Variants in LRRC56 observed in about 807,000 individuals in gnomAD.
The protein encoded by LRRC56 is leucine rich repeat containing 56.
LRRC56 carries 41 observed loss-of-function variants against 47.8 expected under a neutral mutation model. The observed-to-expected ratio is 0.86, with a 90% CI of 0.67 to 1.11. LRRC56 has a LOEUF of 1.11. Ranked by LOEUF, LRRC56 falls within the 50% of genes most tolerant of loss-of-function variation. The pLI, the probability that LRRC56 is intolerant of heterozygous loss-of-function variation, is 0.00. For synonymous variants in LRRC56, 387 were observed against 311.2 expected, an observed-to-expected ratio of 1.24 and a Z score of -2.56; for missense variants, 759 against 704.2, an observed-to-expected ratio of 1.08 and a Z score of -0.88.
the LRRC56 span, among the ~76,000 whole-genome samples, chr11:508,928 C>T: frequency 6.6e-6 from 1 of 152,108 alleles, no homozygotes; most frequent in African/African-American, 2.4e-5. Context: ...GCCTGTAATC[C>T]CAGCTACTCA....
chr11:522,426 T>C, the LRRC56 span, among the ~76,000 whole-genome samples: 5 of 151,888 alleles, frequency 3.3e-5, no homozygotes, highest in Middle Eastern at 3.2e-3. Context: ...CCACCACGCC[T>C]GGCTAATTTT....
the LRRC56 span, among the ~76,000 whole-genome samples, chr11:511,352 T>C: frequency 6.6e-6 from 1 of 151,364 alleles, no homozygotes; most frequent in East Asian, 1.9e-4. Context: ...TGGGAAAACA[T>C]TGAGGATGAA....
At chr11:548,401 C>G (rs2134052580) in intron 6 of LRRC56, among the ~76,000 whole-genome samples, 2 of 152,254 alleles carry the variant, frequency 1.3e-5, no homozygotes, top group African/African-American at 4.8e-5. Flanking sequence ...CCACCTCAGC[C>G]TCCTGAAGTG....
intron 6 of LRRC56, among the ~76,000 whole-genome samples, chr11:549,557 C>T (rs911707598): frequency 1.3e-5 from 2 of 152,202 alleles, no homozygotes; most frequent in Non-Finnish European, 2.9e-5. Context: ...ACTCCAAATT[C>T]GAGTGCCCCA....
At chr11:530,054 G>A in the LRRC56 span, among the ~76,000 whole-genome samples, 7 of 152,232 alleles carry the variant, frequency 4.6e-5, no homozygotes, top group East Asian at 5.8e-4. Flanking sequence ...AGTGGTTCCC[G>A]TGCTGGAACT....
chr11:543,457 C>T (rs1851904979), intron 5 of LRRC56, among the ~76,000 whole-genome samples: 2 of 152,068 alleles, frequency 1.3e-5, no homozygotes, highest in South Asian at 4.1e-4. Context: ...TCAGGTGATC[C>T]ACCCGCCTCG....
chr11:534,637 T>C, upstream of LRRC56: 1 of 472,308 alleles, frequency 2.1e-6, no homozygotes, highest in East Asian at 3.7e-5. Context: ...CTGAGCGCTC[T>C]CAACCACGCA....
intron 8 of LRRC56, among the ~76,000 whole-genome samples, chr11:550,914 T>A (rs533374911): frequency 1.3e-5 from 2 of 151,598 alleles, no homozygotes; most frequent in South Asian, 4.2e-4. Flanking sequence ...GTCTGGAGAG[T>A]GGGGTCCTAC....
intron 5 of LRRC56, among the ~76,000 whole-genome samples, chr11:542,590 A>AAAAAAAAAAAAAC (rs1851852247): frequency 1.3e-5 from 2 of 148,866 alleles, no homozygotes; most frequent in African/African-American, 5.0e-5. Flanking sequence ...CAAAAAAAAA[A>AAAAAAAAAAAAAC]AAAAAAAAAA....
chr11:523,979 A>G, the LRRC56 span, among the ~76,000 whole-genome samples: 1 of 152,148 alleles, frequency 6.6e-6, no homozygotes, highest in African/African-American at 2.4e-5. Context: ...CTGAAGAAAA[A>G]AATTTAAAGA....
chr11:512,281 G>A, the LRRC56 span, among the ~76,000 whole-genome samples: 1 of 150,068 alleles, frequency 6.7e-6, no homozygotes, highest in East Asian at 2.0e-4. Flanking sequence ...TGTCGCCCAG[G>A]CTGGAGTGCA....
At chr11:526,185 C>T in the LRRC56 span, among the ~76,000 whole-genome samples, 3 of 151,952 alleles carry the variant, frequency 2.0e-5, no homozygotes, top group Admixed American at 6.6e-5. Flanking sequence ...CCAGCCTGGG[C>T]GACAGTGAGA....
chr11:536,201 G>A, upstream of LRRC56, among the ~76,000 whole-genome samples: 1 of 152,220 alleles, frequency 6.6e-6, no homozygotes, highest in Middle Eastern at 3.2e-3. Flanking sequence ...GTGCCCTGGG[G>A]CCAGGCGTGA....
intron 6 of LRRC56, among the ~76,000 whole-genome samples, chr11:547,652 A>G (rs1852159324): frequency 6.6e-6 from 1 of 151,880 alleles, no homozygotes; most frequent in Non-Finnish European, 1.5e-5. Flanking sequence ...ACGCCCGGCC[A>G]GAAGCCTCTA....
Position 554,150 on chromosome 11 carries a change from C to G in LRRC56, c.1503C>G (p.Ala501=), listed in dbSNP as rs774079771. The G allele has an allele frequency of 6.9e-6, 11 of 1,599,696 alleles. No individual in the cohort carries two copies. Among genetic ancestry groups the G allele is most frequent in the Non-Finnish European group, 8.5e-7 (1 of 1,175,176 alleles). Residue 501 remains alanine (A), a synonymous_variant, in exon 14 of 14, where the codon GCC becomes GCG. Transcript: ENST00000270115. Reference sequence around the variant, plus strand: ...TGGCTGCAGTGCCTGTCCTGAGAGCCCTGGAGGTGGCCTCACGCCTGAGCC... The same window carrying G: ...TGGCTGCAGTGCCTGTCCTGAGAGCGCTGGAGGTGGCCTCACGCCTGAGCC... ...DGVAAVPVLR[A]LEVASRLSPR...
upstream of LRRC56, chr11:533,620 GT>G (rs749335082): frequency 1.9e-6 from 3 of 1,613,594 alleles, no homozygotes; most frequent in Non-Finnish European, 2.5e-6. Flanking sequence ...TCCCTGAGAG[GT>G]GGAAAGCGAG....
chr11:551,350 C>T, intron 9 of LRRC56, 48 bp downstream of exon 9: 1 of 1,303,226 alleles, frequency 7.7e-7, no homozygotes, highest in Non-Finnish European at 1.0e-6. Flanking sequence ...CCAGCTCCCC[C>T]CAGGAAGAGG....
chr11:533,073 A>G (rs1851204409), upstream of LRRC56, among the ~76,000 whole-genome samples: 1 of 152,138 alleles, frequency 6.6e-6, no homozygotes, highest in Non-Finnish European at 1.5e-5. Flanking sequence ...TAGCCCCACT[A>G]AGACTCAGAA....
the LRRC56 span, among the ~76,000 whole-genome samples, chr11:530,455 C>T: frequency 2.2e-5 from 3 of 138,646 alleles, no homozygotes; most frequent in Admixed American, 7.3e-5. Flanking sequence ...GCAAGTGTGG[C>T]GTCCCCTGGA....
Sources: allele counts gnomAD v4.1 joint callset (sites outside exome capture counted in the v4.1 genomes callset), GRCh38; gene constraint gnomAD v4.1.1; transcripts MANE v1.5; gene names NCBI Gene and HGNC (gene_info 2026-07-23, HGNC 2026-07-21).